The following ITGB4 variants were observed in gnomAD, a reference collection of about 807,000 sequenced individuals.
ITGB4 encodes integrin beta-4.
ITGB4 carries 159 observed loss-of-function variants against 207.6 expected under a neutral mutation model. The observed-to-expected ratio is 0.77, with a 90% CI of 0.67 to 0.87. ITGB4 has a LOEUF of 0.87. ITGB4 is among the 40% of genes least tolerant of loss of function. ITGB4 has a pLI of 0.00. For missense variants in ITGB4, 2,278 were observed against 2,546.8 expected (o/e 0.89, Z 2.27); for synonymous variants, 1,020 against 1,062.7 (o/e 0.96, Z 0.78).
chr17:75,744,212 T>A (rs1448387099), intron 26 of ITGB4, among the ~76,000 whole-genome samples: 2 of 147,066 alleles, frequency 1.4e-5, no homozygotes, highest in Non-Finnish European at 3.0e-5. Context: ...CCTCCACCTC[T>A]CGGGTTCAAG....
In ITGB4 at chr17:75,756,908, G is replaced by A. The variant is rs56149979; in HGVS notation, c.5054-35G>A. 520 of 1,612,168 alleles carry A rather than the reference G, an allele frequency of 3.2e-4. 4 individuals are homozygous for A. In the East Asian group the frequency reaches 0.011, roughly 36 times the overall value. ...AGTGGCCAGGGGAGGGGTAAAGAGG[G>A]GGCCGCAGACGCTGAAGGCATCTTC... On this transcript the variant is annotated intron_variant, in intron 37 of 39. Coordinates refer to ENST00000200181, the MANE Select transcript of ITGB4 (RefSeq NM_000213.5).
intron 26 of ITGB4, among the ~76,000 whole-genome samples, chr17:75,748,545 C>G (rs1258083416): frequency 6.6e-6 from 1 of 151,926 alleles, no homozygotes; most frequent in Non-Finnish European, 1.5e-5. Flanking sequence ...TGGCAGGTGC[C>G]TGTAATCCCA....
chr17:75,743,677 C>T, intron 25 of ITGB4, 36 bp from the exon 26 acceptor site: 2 of 1,613,238 alleles, frequency 1.2e-6, no homozygotes, highest in South Asian at 1.1e-5. Flanking sequence ...GGGACTGGGC[C>T]CAGCACACTC....
At position 75,750,195 on chromosome 17, in the gene ITGB4, A is replaced by T; in HGVS notation, c.3401A>T (p.Asn1134Ile). 6.2e-7 allele frequency: 1 copy of T among 1,613,822 alleles called. No individual in the cohort carries two copies. Among genetic ancestry groups the T allele is most frequent in the East Asian group, 2.2e-5 (1 of 44,886 alleles). ...HGDLGAPQNP[N>I]AKAAGSRKIH... ...GACCTGGGCGCCCCGCAGAACCCCA[A>T]TGCTAAGGCCGCTGGGTCCAGGAAG... The change falls in exon 28 of 40, where the codon AAT becomes ATT. Residue 1134 changes from asparagine (N) to isoleucine (I), a missense_variant. Coordinates refer to ENST00000200181, the MANE Select transcript of ITGB4 (RefSeq NM_000213.5). This position sits in a 1 kb window ranked among gnomAD's most constrained non-coding sequence, Gnocchi z 5.5.
At position 75,753,912 on chromosome 17, in the gene ITGB4, A is replaced by G. The variant is rs2061427033; in HGVS notation, c.4256A>G (p.Asp1419Gly). The G allele has an allele frequency of 5.4e-6, 7 of 1,287,436 alleles. No homozygotes were observed. Among genetic ancestry groups the G allele is most frequent in the Non-Finnish European group, 5.9e-6 (6 of 1,023,742 alleles). The allele number at this position is 1,287,436 out of a possible 1,614,324, so 79.8% of individuals were successfully genotyped here. The part of the protein sequence containing the change: ...DAEAPHGPPD[D>G]GGAGGKGGSL... ...GAGGCGCCCCACGGGCCCCCGGACGACGGCGGCGCGGGCGGGAAGGGCGGC... is the reference window on the plus strand; with the variant it reads ...GAGGCGCCCCACGGGCCCCCGGACGGCGGCGGCGCGGGCGGGAAGGGCGGC... Residue 1419 changes from aspartate to glycine, a missense_variant, in exon 33 of 40, where the codon GAC becomes GGC. Transcript: ENST00000200181.
intron 23 of ITGB4, 132 bp downstream of exon 23, chr17:75,741,137 C>A: frequency 2.0e-6 from 2 of 1,020,552 alleles, no homozygotes; most frequent in South Asian, 1.3e-5. Context: ...CCGTCAGGTT[C>A]GGACCTTCAT....
Position 75,729,421 on chromosome 17 carries a change from G to A in ITGB4, c.723G>A (p.Gln241=). 1 of 1,614,082 alleles carries A rather than the reference G, an allele frequency of 6.2e-7. No homozygotes were observed. Among genetic ancestry groups the A allele is most frequent in the Non-Finnish European group, 8.5e-7 (1 of 1,179,976 alleles). The change falls in exon 7 of 40, where the codon CAG becomes CAA. Residue 241 remains glutamine, a synonymous_variant. Coordinates refer to ENST00000200181, the MANE Select transcript of ITGB4 (RefSeq NM_000213.5). This position sits in a 1 kb window ranked among gnomAD's most constrained non-coding sequence, Gnocchi z 4.4. Reference sequence around the variant, plus strand: ...AGGGCGGCTTCGATGCCATCCTGCAGACAGCTGTGTGCACGGTGGGCACTG... The same window carrying A: ...AGGGCGGCTTCGATGCCATCCTGCAAACAGCTGTGTGCACGGTGGGCACTG... ...APEGGFDAIL[Q]TAVCTRDIGW...
intron 30 of ITGB4, chr17:75,751,967 C>A (rs1274422846): frequency 4.4e-6 from 3 of 677,530 alleles, no homozygotes; most frequent in Non-Finnish European, 8.0e-6. Context: ...CAGCAGAGTC[C>A]CTTGGAGGAC....
In ITGB4 at chr17:75,731,666, T is replaced by G; in HGVS notation, c.1216-146T>G. ...TGTGACTGCGCTGGGAAGGAGGGAG[T>G]TTCCAGCCCTGAGGGAGGTGAGCAG... On this transcript the variant is annotated intron_variant, in intron 10 of 39. Transcript: ENST00000200181. This position sits in a 1 kb window ranked among gnomAD's most constrained non-coding sequence, Gnocchi z 6.8. The G allele has an allele frequency of 1.1e-6, 1 of 918,962 alleles. No individual in the cohort carries two copies. Among genetic ancestry groups the G allele is most frequent in the Non-Finnish European group, 1.6e-6 (1 of 627,988 alleles). 56.9% of individuals were successfully genotyped at this position (918,962 alleles called of 1,614,324 possible). A position where few individuals can be genotyped will look rare whatever the true frequency, so the allele number is the denominator to read the frequency against.
Position 75,748,853 on chromosome 17 carries a change from G to T in ITGB4, c.3124G>T (p.Val1042Leu), listed in dbSNP as rs141564265. ...TAQGNRDYIP[V>L]EGELLFQPGE... The stretch of plus-strand genomic sequence containing the variant: ...CCTCCACTCCCAGGACTACATCCCC[G>T]TGGAGGGTGAGCTGCTGTTCCAGCC... Residue 1042 changes from valine to leucine, a missense_variant, in exon 27 of 40, where the codon GTG becomes TTG. Transcript: ENST00000200181. 1.9e-6 allele frequency: 3 copies of T among 1,610,558 alleles called. No individual in the cohort carries two copies. The highest frequency in any genetic ancestry group is 3.4e-5 in the Admixed American group (2 of 59,692).
rs368238686 is a variant in ITGB4, at chr17:75,722,021, C to G, written c.-11+409C>G. Among the ~76,000 whole-genome samples, 1 of 152,246 alleles carries G rather than the reference C, an allele frequency of 6.6e-6. No homozygotes were observed. Among genetic ancestry groups the G allele is most frequent in the East Asian group, 1.9e-4 (1 of 5,202 alleles). On this transcript the variant is annotated intron_variant, in intron 1 of 39. Transcript: ENST00000200181. This position sits in a 1 kb window ranked among gnomAD's most constrained non-coding sequence, Gnocchi z 6.2. ...CCTGACTTTTATGTGAAATTTCGTT[C>G]TTTCTAACATTGGCTCCTACTTTTA...
At position 75,757,116 on chromosome 17, in the gene ITGB4, CTG is replaced by C; in HGVS notation, c.5218+11_5218+12del. ...AGAGTCCCAGGATGGAGGTAGGCACCTGTCCTTTCCTTCACCCCCACCCCTCC... is the reference window on the plus strand; with the variant it reads ...AGAGTCCCAGGATGGAGGTAGGCACCTCCTTTCCTTCACCCCCACCCCTCC... On this transcript the variant is annotated intron_variant, in intron 38 of 39. Transcript: ENST00000200181. 6.2e-7 allele frequency: 1 copy of C among 1,612,966 alleles called. No homozygotes were observed. Among genetic ancestry groups the C allele is most frequent in the Non-Finnish European group, 8.5e-7 (1 of 1,179,968 alleles).
rs762850116 is a variant in ITGB4 at position 75,752,281 on chromosome 17, C to A, written c.3901C>A (p.Arg1301Ser). ...GCCCTACCGCTACACGGTGAAGGCG[C>A]GCAACGGGGCCGGCTGGGGGCCTGA... is the stretch of plus-strand genomic sequence containing the variant. ...SQPYRYTVKA[R>S]NGAGWGPERE... Residue 1301 changes from arginine (R) to serine (S), a missense_variant, in exon 31 of 40, where the codon CGC (arginine) becomes AGC (serine). Transcript: ENST00000200181. The A allele has an allele frequency of 1.2e-6, 2 of 1,613,382 alleles. No homozygotes were observed. Among genetic ancestry groups the A allele is most frequent in the South Asian group, 1.1e-5 (1 of 91,086 alleles).
chr17:75,740,508 C>A lies in ITGB4; in HGVS notation c.2550+47C>A. ...CTGGCCGGAGATGTGGGTATGAGGG[C>A]GGGTGAGGTGGGCAGGGCAGAGCGA... On this transcript the variant is annotated intron_variant, in intron 21 of 39. Coordinates refer to ENST00000200181, the MANE Select transcript of ITGB4 (RefSeq NM_000213.5). The surrounding 1 kb of genome is among the most constrained non-coding windows in gnomAD (Gnocchi z 5.9). The A allele has an allele frequency of 3.3e-6, 4 of 1,227,512 alleles. No individual in the cohort carries two copies. Among genetic ancestry groups the A allele is most frequent in the Non-Finnish European group, 4.8e-6 (4 of 830,822 alleles). The allele number at this position is 1,227,512 out of a possible 1,614,324, so 76.0% of individuals were successfully genotyped here. A position where few individuals can be genotyped will look rare whatever the true frequency, so the allele number is the denominator to read the frequency against.
At position 75,750,784 on chromosome 17, in the gene ITGB4, G is replaced by C. The variant is rs2061349983; in HGVS notation, c.3579G>C (p.Glu1193Asp). 1.2e-6 allele frequency: 2 copies of C among 1,613,478 alleles called. No individual in the cohort carries two copies. The highest frequency in any genetic ancestry group is 1.7e-6 in the Non-Finnish European group (2 of 1,180,014). The change falls in exon 29 of 40, where the codon GAG becomes GAC. Residue 1193 changes from glutamate (E) to aspartate (D), a missense_variant. Glu to Asp is a conservative substitution (Grantham distance 45, BLOSUM62 2). Coordinates refer to ENST00000200181, the MANE Select transcript of ITGB4 (RefSeq NM_000213.5). This position sits in a 1 kb window ranked among gnomAD's most constrained non-coding sequence, Gnocchi z 5.5. Reference sequence around the variant, plus strand: ...ACCTGTACCCGTATTGCGACTATGAGATGAAGGTGTGCGCCTACGGGGCTC... The same window carrying C: ...ACCTGTACCCGTATTGCGACTATGACATGAAGGTGTGCGCCTACGGGGCTC... ...LTNLYPYCDY[E>D]MKVCAYGAQG...
Position 75,754,932 on chromosome 17 carries a change from A to G in ITGB4, c.4558+117A>G, listed in dbSNP as rs565719805. ...CCCATTCTCCAACATACACACACGCATGCACACATGCACGCACACACGTGC... is the reference window on the plus strand; with the variant it reads ...CCCATTCTCCAACATACACACACGCGTGCACACATGCACGCACACACGTGC... On this transcript the variant is annotated intron_variant, in intron 34 of 39. Transcript: ENST00000200181. The G allele has an allele frequency of 3.0e-5, 46 of 1,530,374 alleles. No homozygotes were observed. In the East Asian group the frequency reaches 1.0e-3, roughly 34 times the overall value. The allele number at this position is 1,530,374 out of a possible 1,614,324, so 94.8% of individuals were successfully genotyped here. A position where few individuals can be genotyped will look rare whatever the true frequency, so the allele number is the denominator to read the frequency against.
rs1027539368 is a variant in ITGB4, at chr17:75,731,506, G to A, written c.1215+138G>A. 8 of 930,012 alleles carry A rather than the reference G, an allele frequency of 8.6e-6. No homozygotes were observed. The highest frequency in any genetic ancestry group is 5.0e-5 in the Admixed American group (2 of 40,330). The allele number at this position is 930,012 out of a possible 1,614,324, so 57.6% of individuals were successfully genotyped here. Reference sequence around the variant, plus strand: ...TGCAGATCCCTGGGCCTAGCCGCTCGGATGAGCCTAGGTTGCTCCTCTGCT... The same window carrying A: ...TGCAGATCCCTGGGCCTAGCCGCTCAGATGAGCCTAGGTTGCTCCTCTGCT... On this transcript the variant is annotated intron_variant, in intron 10 of 39. Transcript: ENST00000200181. This position sits in a 1 kb window ranked among gnomAD's most constrained non-coding sequence, Gnocchi z 6.8.
At chr17:75,749,153 A>T (rs1041784872) in intron 27 of ITGB4, 108 bp downstream of exon 27, 8 of 875,940 alleles carry the variant, frequency 9.1e-6, no homozygotes, top group Admixed American at 2.1e-5. Flanking sequence ...CGCCCAGGTA[A>T]ATCTGAATTT....
intron 26 of ITGB4, among the ~76,000 whole-genome samples, chr17:75,745,712 C>A (rs1437797181): frequency 1.3e-5 from 2 of 151,854 alleles, no homozygotes; most frequent in Non-Finnish European, 2.9e-5. Context: ...AACCCTGTCT[C>A]TACTAAAAAT....
Sources: allele counts gnomAD v4.1 joint callset (sites outside exome capture counted in the v4.1 genomes callset), GRCh38; gene constraint gnomAD v4.1.1; non-coding constraint Gnocchi (gnomAD v3.1); transcripts MANE v1.5; gene names NCBI Gene and HGNC (gene_info 2026-07-23, HGNC 2026-07-21).